FILIP1: variants seen among roughly 807,000 people sequenced by gnomAD.
FILIP1 encodes filamin-A-interacting protein 1.
In FILIP1, 61 loss-of-function variants were observed where a neutral mutation model predicts 102.1. That is an observed-to-expected ratio of 0.60 (90% CI 0.49 to 0.74). The LOEUF is 0.74. Ranked by LOEUF, FILIP1 falls within the 30% of genes least tolerant of loss-of-function variation. The pLI is 0.00. For synonymous variants in FILIP1, 491 were observed against 526.9 expected (o/e 0.93, Z 0.93); for missense variants, 1,314 against 1,441.2 (o/e 0.91, Z 1.43).
chr6:75,432,722 T>C (rs2149709721), intron 1 of FILIP1, among the ~76,000 whole-genome samples: 1 of 152,324 alleles, frequency 6.6e-6, no homozygotes. Flanking sequence ...AGGGTACATG[T>C]GCATAACATG....
chr6:75,453,187 T>G (rs1778695071), intron 1 of FILIP1, among the ~76,000 whole-genome samples: 1 of 152,238 alleles, frequency 6.6e-6, no homozygotes, highest in African/African-American at 2.4e-5. Context: ...CCCTTTGCTT[T>G]GCTTTGCTTC....
chr6:75,306,792 G>A (rs912113698), downstream of FILIP1, among the ~76,000 whole-genome samples: 3 of 141,226 alleles, frequency 2.1e-5, no homozygotes, highest in African/African-American at 5.3e-5. Context: ...TCTCTCTGTC[G>A]CCCAGGCTGG....
At chr6:75,426,707 G>T (rs1284136956) in intron 1 of FILIP1, among the ~76,000 whole-genome samples, 1 of 151,946 alleles carries the variant, frequency 6.6e-6, no homozygotes, top group Admixed American at 6.6e-5. Flanking sequence ...TAGAGATAGG[G>T]GCATTTTACA....
intron 2 of FILIP1, among the ~76,000 whole-genome samples, chr6:75,401,283 TG>T (rs1776648707): frequency 6.6e-6 from 1 of 152,298 alleles, no homozygotes; most frequent in East Asian, 1.9e-4. Context: ...CTCCTTCCCT[TG>T]CAACCATGAA....
At chr6:75,385,223 A>AC (rs1315570437) in intron 2 of FILIP1, among the ~76,000 whole-genome samples, 1 of 152,160 alleles carries the variant, frequency 6.6e-6, no homozygotes, top group African/African-American at 2.4e-5. Context: ...CAGACCAGAG[A>AC]TCTCTCCATT....
intron 1 of FILIP1, among the ~76,000 whole-genome samples, chr6:75,444,560 A>AG (rs1778379670): frequency 1.3e-5 from 2 of 151,540 alleles, no homozygotes; most frequent in Admixed American, 1.3e-4. Flanking sequence ...ACATCAAAAA[A>AG]GGACCCCACA....
At chr6:75,428,956 T>C (rs1330110764) in intron 1 of FILIP1, among the ~76,000 whole-genome samples, 2 of 152,184 alleles carry the variant, frequency 1.3e-5, no homozygotes, top group Non-Finnish European at 2.9e-5. Context: ...GGGTAGTAGC[T>C]TATCCATTTA....
intron 1 of FILIP1, chr6:75,453,974 C>A (rs1778730855): frequency 2.2e-6 from 1 of 456,684 alleles, no homozygotes; most frequent in Non-Finnish European, 4.4e-6. Context: ...GCTGCCATGA[C>A]AAATTACCAT....
At chr6:75,373,639 G>A (rs139607550) in intron 2 of FILIP1, among the ~76,000 whole-genome samples, 185 of 151,086 alleles carry the variant, frequency 1.2e-3, no homozygotes, top group African/African-American at 4.3e-3. Context: ...ACATTCACCT[G>A]CCTAAAAAAA....
chr6:75,379,512 G>C (rs1775839881), intron 2 of FILIP1, among the ~76,000 whole-genome samples: 1 of 152,206 alleles, frequency 6.6e-6, no homozygotes, highest in South Asian at 2.1e-4. Flanking sequence ...GACTTATTGG[G>C]AGAAACAACA....
intron 4 of FILIP1, among the ~76,000 whole-genome samples, chr6:75,322,337 T>C (rs767779618): frequency 6.6e-5 from 10 of 152,200 alleles, no homozygotes; most frequent in Non-Finnish European, 1.3e-4. Flanking sequence ...AATAAGAGAT[T>C]TAAGTTTTGC....
chr6:75,396,984 G>A (rs1273684287), intron 2 of FILIP1, among the ~76,000 whole-genome samples: 2 of 132,160 alleles, frequency 1.5e-5, no homozygotes, highest in African/African-American at 5.6e-5. Context: ...ATGGACACAG[G>A]AAGGGAAACA....
chr6:75,321,927 C>T (rs905902512), intron 4 of FILIP1, among the ~76,000 whole-genome samples: 4 of 151,850 alleles, frequency 2.6e-5, no homozygotes, highest in Admixed American at 1.3e-4. Flanking sequence ...ATTAGAAGGA[C>T]CTATGGAAGG....
At chr6:75,424,854 G>A (rs992966819) in intron 1 of FILIP1, among the ~76,000 whole-genome samples, 4 of 152,104 alleles carry the variant, frequency 2.6e-5, no homozygotes, top group African/African-American at 9.7e-5. Flanking sequence ...CCCCATCTGT[G>A]TGCTGCTTAT....
chr6:75,302,823 C>CAT (rs141657918), intron 6 of FILIP1, among the ~76,000 whole-genome samples: 1 of 149,100 alleles, frequency 6.7e-6, no homozygotes, highest in African/African-American at 2.5e-5. Context: ...TATGATATGA[C>CAT]ATGATATGAT....
intron 1 of FILIP1, among the ~76,000 whole-genome samples, chr6:75,483,128 G>A (rs189121508): frequency 6.6e-6 from 1 of 152,168 alleles, no homozygotes; most frequent in East Asian, 1.9e-4. Flanking sequence ...TTCTCTAGGT[G>A]TGAAGAAGCC....
chr6:75,343,602 T>G (rs1161559793), intron 4 of FILIP1, among the ~76,000 whole-genome samples: 1 of 152,228 alleles, frequency 6.6e-6, no homozygotes, highest in Non-Finnish European at 1.5e-5. Flanking sequence ...GATTACATAT[T>G]CTTTCTAATG....
intron 1 of FILIP1, among the ~76,000 whole-genome samples, chr6:75,427,132 G>T (rs1444519440): frequency 6.6e-6 from 1 of 152,086 alleles, no homozygotes; most frequent in East Asian, 1.9e-4. Flanking sequence ...TTTTGATTTG[G>T]TCTAGGATTG....
At chr6:75,369,629 C>T (rs1775450457) in intron 2 of FILIP1, among the ~76,000 whole-genome samples, 1 of 152,126 alleles carries the variant, frequency 6.6e-6, no homozygotes, top group African/African-American at 2.4e-5. Context: ...AGTTCTTATG[C>T]TCCTATGACA....
Sources: allele counts gnomAD v4.1 joint callset (sites outside exome capture counted in the v4.1 genomes callset), GRCh38; gene constraint gnomAD v4.1.1; transcripts MANE v1.5; gene names NCBI Gene and HGNC (gene_info 2026-07-23, HGNC 2026-07-21).